Variants in TNRC18 observed in about 807,000 individuals in gnomAD.
The protein encoded by TNRC18 is trinucleotide repeat-containing gene 18 protein.
A neutral mutation model predicts 226.7 loss-of-function variants in TNRC18; 69 were observed. That is an observed-to-expected ratio of 0.30 (90% CI 0.25 to 0.37). The LOEUF (loss-of-function observed/expected upper bound fraction) is 0.37, where lower values mean the gene tolerates loss of function less well. TNRC18 is among the 10% of genes least tolerant of loss of function. TNRC18 has a pLI of 1.00. For missense variants in TNRC18, 4,754 were observed against 4,256.6 expected, an observed-to-expected ratio of 1.12 and a Z score of -3.25; for synonymous variants, 2,449 against 1,927.6, an observed-to-expected ratio of 1.27 and a Z score of -7.09.
rs781519727 is a variant in TNRC18, at chr7:5,308,968, A to C, written c.8626-19T>G. 1 of 1,594,006 alleles carries C rather than the reference A, an allele frequency of 6.3e-7. No homozygotes were observed. The highest frequency in any genetic ancestry group is 2.3e-5 in the East Asian group (1 of 44,078). ...CCCAGTGCTGTGTGGGGGAGAGAGG[A>C]GGGGCTTGGGTGAGCCCGGGGGCTG... On this transcript the variant is annotated intron_variant, in intron 28 of 29. Transcript: ENST00000430969.
At chr7:5,308,396 G>A (rs184235060) in intron 29 of TNRC18, 84 bp from the exon 30 acceptor site, 3 of 1,254,864 alleles carry the variant, frequency 2.4e-6, no homozygotes, top group Non-Finnish European at 2.2e-6. Context: ...GACAGAGACA[G>A]AAGCAGAGGG....
chr7:5,409,828 A>G (rs1781727155), intron 2 of TNRC18, among the ~76,000 whole-genome samples: 1 of 149,064 alleles, frequency 6.7e-6, no homozygotes, highest in African/African-American at 2.5e-5. Flanking sequence ...AAAAAAAAAA[A>G]AAAATACAAA....
chr7:5,321,892 G>A (rs904117689), intron 21 of TNRC18, among the ~76,000 whole-genome samples: 1 of 151,798 alleles, frequency 6.6e-6, no homozygotes, highest in Non-Finnish European at 1.5e-5. Context: ...GGCTGATCCC[G>A]AGCCCCTGAC....
intron 2 of TNRC18, 29 bp downstream of exon 2, chr7:5,421,031 A>AG (rs780311311): frequency 1.2e-5 from 18 of 1,536,038 alleles, no homozygotes; most frequent in Non-Finnish European, 8.8e-7. Context: ...GGAAGACAGG[A>AG]GGGGACGGGC....
chr7:5,398,479 A>T (rs1780856558), intron 2 of TNRC18, among the ~76,000 whole-genome samples: 1 of 142,798 alleles, frequency 7.0e-6, no homozygotes. Flanking sequence ...CACCCAGCTA[A>T]TTTTTTTCTT....
intron 8 of TNRC18, among the ~76,000 whole-genome samples, chr7:5,376,501 C>G (rs746609274): frequency 2.0e-5 from 3 of 152,200 alleles, no homozygotes; most frequent in African/African-American, 7.2e-5. Flanking sequence ...CAGACACGTA[C>G]GAGGACCACT....
chr7:5,409,153 G>A (rs1413395844), intron 2 of TNRC18, among the ~76,000 whole-genome samples: 3 of 106,008 alleles, frequency 2.8e-5, no homozygotes, highest in African/African-American at 8.0e-5. Flanking sequence ...AATCCCATCT[G>A]CTTTTTCTTA....
intron 19 of TNRC18, among the ~76,000 whole-genome samples, chr7:5,331,749 A>C (rs1286412231): frequency 6.6e-6 from 1 of 152,158 alleles, no homozygotes; most frequent in Admixed American, 6.5e-5. Flanking sequence ...GTCTATACTT[A>C]AAATTTAAAA....
At chr7:5,410,458 G>T (rs964810953) in intron 2 of TNRC18, among the ~76,000 whole-genome samples, 1 of 152,022 alleles carries the variant, frequency 6.6e-6, no homozygotes, top group African/African-American at 2.4e-5. Flanking sequence ...ATTTCAGAAT[G>T]AAAGTCTTGA....
intron 20 of TNRC18, 39 bp downstream of exon 20, chr7:5,325,057 G>GC (rs1439701812): frequency 3.9e-6 from 6 of 1,546,658 alleles, no homozygotes; most frequent in South Asian, 1.2e-5. Flanking sequence ...GCATGGCTGA[G>GC]CCCCCCACAG....
intron 11 of TNRC18, among the ~76,000 whole-genome samples, chr7:5,366,664 G>A (rs6946601): frequency 0.46 from 69,748 of 151,860 alleles, 16,132 homozygotes; most frequent in African/African-American, 0.5. Flanking sequence ...CCACAAAGCC[G>A]CAAACCTGAT....
intron 2 of TNRC18, among the ~76,000 whole-genome samples, chr7:5,401,946 C>A (rs10238913): frequency 6.6e-6 from 1 of 151,864 alleles, no homozygotes; most frequent in African/African-American, 2.4e-5. Context: ...GAGGCCGAGG[C>A]GGGCAGCTCA....
rs76882791 is a variant in TNRC18 at position 5,313,318 on chromosome 7, G to T, written c.7573C>A (p.Leu2525Ile). 1 of 1,549,750 alleles carries T rather than the reference G, an allele frequency of 6.5e-7. No homozygotes were observed. The highest frequency in any genetic ancestry group is 2.4e-5 in the East Asian group (1 of 40,980). ...APWPKATDGD[L>I]AQEPGPGLTF... ...AGCCCCGGCCCGGGCTCCTGGGCGA[G>T]GTCCCCGTCGGTGGCCTTGGGCCAG... Residue 2525 changes from leucine (L) to isoleucine (I), a missense_variant, in exon 27 of 30, where the codon CTC (leucine) becomes ATC (isoleucine). Physicochemically the swap from Leu to Ile is conservative, Grantham distance 5 (BLOSUM62 2). Coordinates refer to ENST00000430969, the MANE Select transcript of TNRC18 (RefSeq NM_001080495.3).
At chr7:5,355,303 C>G (rs1254127168) in intron 16 of TNRC18, among the ~76,000 whole-genome samples, 2 of 152,228 alleles carry the variant, frequency 1.3e-5, no homozygotes, top group African/African-American at 4.8e-5. Context: ...AAACTCCATT[C>G]TTCAGTCCCA....
intron 2 of TNRC18, among the ~76,000 whole-genome samples, chr7:5,402,988 G>T (rs1280043105): frequency 6.6e-6 from 1 of 151,942 alleles, no homozygotes; most frequent in Non-Finnish European, 1.5e-5. Context: ...CCTGTCAACG[G>T]GGAGAGGGAT....
At chr7:5,316,667 A>G (rs1562484386) in intron 24 of TNRC18, among the ~76,000 whole-genome samples, 1 of 152,158 alleles carries the variant, frequency 6.6e-6, no homozygotes, top group Non-Finnish European at 1.5e-5. Context: ...CCCTCCTGCA[A>G]CCACAGCAAA....
At position 5,389,471 on chromosome 7, in the gene TNRC18, T is replaced by TTTTTTTTC. The variant is rs549108764; in HGVS notation, c.488-136_488-135insGAAAAAAA. ...AGTGTTTTGGTTTTGGTTTTTTTTTTCAGAAAGAGTCTCGCTCTCCTCACC... is the reference window on the plus strand; with the variant it reads ...AGTGTTTTGGTTTTGGTTTTTTTTTTTTTTTTTCCAGAAAGAGTCTCGCTCTCCTCACC... On this transcript the variant is annotated intron_variant, in intron 4 of 29. Coordinates refer to ENST00000430969, the MANE Select transcript of TNRC18 (RefSeq NM_001080495.3). The TTTTTTTTC allele has an allele frequency of 5.8e-5, 54 of 927,052 alleles. 1 individual carries two copies. The highest frequency in any genetic ancestry group is 1.8e-4 in the South Asian group (3 of 16,966). The allele number at this position is 927,052 out of a possible 1,614,324, so 57.4% of individuals were successfully genotyped here.
Position 5,377,482 on chromosome 7 carries a change from C to G in TNRC18, c.2350G>C (p.Ala784Pro), listed in dbSNP as rs1779071709. The part of the protein sequence containing the change: ...NPNLMVTGGP[A>P]LAGSGRWSAD... ...GACCAGCGACCTGAGCCCGCCAGCG[C>G]CGGGCCCCCCGTCACCATGAGGTTG... is the stretch of plus-strand genomic sequence containing the variant. The change falls in exon 7 of 30, where the codon GCG becomes CCG. Residue 784 changes from alanine to proline, a missense_variant. Coordinates refer to ENST00000430969, the MANE Select transcript of TNRC18 (RefSeq NM_001080495.3). The surrounding 1 kb of genome is among the most constrained non-coding windows in gnomAD (Gnocchi z 5.8). The G allele has an allele frequency of 2.5e-6, 4 of 1,581,282 alleles. No homozygotes were observed. The African/African-American group carries it at 5.4e-5, about 21-fold the overall frequency.
chr7:5,340,726 G>C (rs1790603779), intron 18 of TNRC18, among the ~76,000 whole-genome samples: 1 of 144,244 alleles, frequency 6.9e-6, no homozygotes, highest in African/African-American at 2.6e-5. Context: ...CTGGGCAACA[G>C]AGTGAGACTC....
Sources: gnomAD v4.1 joint callset for allele counts (sites outside exome capture counted in the v4.1 genomes callset) on GRCh38, gnomAD v4.1.1 for gene constraint, Gnocchi (gnomAD v3.1) non-coding constraint, MANE v1.5 for transcripts, NCBI Gene and HGNC (gene_info 2026-07-23, HGNC 2026-07-21) for gene names.